Variants in KCNC2 observed in about 807,000 individuals in gnomAD.
KCNC2 encodes potassium voltage-gated channel subfamily C member 2.
In KCNC2, 21 loss-of-function variants were observed where a neutral mutation model predicts 44.5. The observed-to-expected ratio is 0.47, with a 90% CI of 0.33 to 0.68. KCNC2 has a LOEUF of 0.68. KCNC2 is among the 30% of genes least tolerant of loss of function. The pLI, the probability that KCNC2 is intolerant of heterozygous loss-of-function variation, is 0.01. For synonymous variants in KCNC2, 391 were observed against 339.1 expected, an observed-to-expected ratio of 1.15 and a Z score of -1.68; for missense variants, 589 against 826.2, an observed-to-expected ratio of 0.71 and a Z score of 3.52.
At chr12:75,125,245 T>C (rs1456008640) in intron 2 of KCNC2, among the ~76,000 whole-genome samples, 8 of 152,198 alleles carry the variant, frequency 5.3e-5, no homozygotes, top group African/African-American at 1.9e-4. Context: ...AGGCTACCAT[T>C]CTCCTGTACC....
chr12:75,121,505 G>C (rs1888043777), intron 2 of KCNC2, among the ~76,000 whole-genome samples: 1 of 152,162 alleles, frequency 6.6e-6, no homozygotes, highest in Non-Finnish European at 1.5e-5. Context: ...ATATAGGGGT[G>C]GGAGGCAGAA....
At chr12:75,120,629 G>A (rs1887984121) in intron 2 of KCNC2, among the ~76,000 whole-genome samples, 1 of 152,096 alleles carries the variant, frequency 6.6e-6, no homozygotes, top group Non-Finnish European at 1.5e-5. Flanking sequence ...TGCTAAAATT[G>A]ATGGAAGACT....
chr12:75,097,191 G>A (rs1223383911), intron 2 of KCNC2, among the ~76,000 whole-genome samples: 2 of 152,096 alleles, frequency 1.3e-5, no homozygotes, highest in African/African-American at 2.4e-5. Flanking sequence ...ATGAAGTCAT[G>A]GAACAGGCAA....
chr12:75,144,137 G>A (rs1031825410), intron 2 of KCNC2, among the ~76,000 whole-genome samples: 10 of 152,180 alleles, frequency 6.6e-5, no homozygotes, highest in South Asian at 2.1e-4. Context: ...AGATAGATTC[G>A]TCATTTGTAT....
intron 2 of KCNC2, among the ~76,000 whole-genome samples, chr12:75,096,597 G>A (rs964388124): frequency 6.6e-6 from 1 of 152,014 alleles, no homozygotes; most frequent in Non-Finnish European, 1.5e-5. Flanking sequence ...GAAAGACTGA[G>A]TGACAGTAAG....
chr12:75,194,698 C>T (rs1256882574), intron 2 of KCNC2, among the ~76,000 whole-genome samples: 1 of 152,072 alleles, frequency 6.6e-6, no homozygotes, highest in Non-Finnish European at 1.5e-5. Context: ...CCAGGAAGGG[C>T]AAAAACTGTG....
intron 2 of KCNC2, among the ~76,000 whole-genome samples, chr12:75,125,479 C>G (rs1888351297): frequency 6.6e-6 from 1 of 152,146 alleles, no homozygotes; most frequent in Non-Finnish European, 1.5e-5. Flanking sequence ...GTTTTTTCAG[C>G]AGAAGATCCA....
Position 75,129,480 on chromosome 12 carries a change from C to T in KCNC2, c.687+77817G>A, listed in dbSNP as rs565570626. Among the ~76,000 whole-genome samples the T allele has an allele frequency of 4.6e-5, 7 of 152,222 alleles. No homozygotes were observed. In the East Asian group the frequency reaches 5.8e-4, roughly 13 times the overall value. On this transcript the variant is annotated intron_variant, in intron 2 of 4. Coordinates refer to ENST00000549446, the MANE Select transcript of KCNC2 (RefSeq NM_139137.4). ...GTGCTTAAATCTTATCTTGTTCGTTCTAACTTCCTTAAAGGTAGGGCTGTG... is the reference window on the plus strand; with the variant it reads ...GTGCTTAAATCTTATCTTGTTCGTTTTAACTTCCTTAAAGGTAGGGCTGTG...
rs941831107 is a variant in KCNC2, at chr12:75,162,752, G to A, written c.687+44545C>T. ...AAAAACCTCTATTTTTCCCTTTCTT[G>A]TGGTTGTATTCTTTGAGAGAGGTAA... On this transcript the variant is annotated intron_variant, in intron 2 of 4. Coordinates refer to ENST00000549446, the MANE Select transcript of KCNC2 (RefSeq NM_139137.4). 2.0e-5 allele frequency among the ~76,000 whole-genome samples: 3 copies of A among 151,670 alleles called. No individual in the cohort carries two copies. The South Asian group carries it at 6.2e-4, about 31-fold the overall frequency.
intron 2 of KCNC2, among the ~76,000 whole-genome samples, chr12:75,075,953 C>A (rs559940724): frequency 5.9e-5 from 9 of 152,062 alleles, no homozygotes; most frequent in African/African-American, 2.2e-4. Flanking sequence ...GGTAAAGTCT[C>A]CTAATGATCA....
At chr12:75,116,736 T>A (rs1473042803) in intron 2 of KCNC2, among the ~76,000 whole-genome samples, 1 of 152,148 alleles carries the variant, frequency 6.6e-6, no homozygotes, top group Admixed American at 6.5e-5. Context: ...ACATTCTCTG[T>A]CCTGGCAGTC....
At position 75,086,681 on chromosome 12, in the gene KCNC2, A is replaced by AAATATATATATATAT. The variant is rs1206456289; in HGVS notation, c.688-35365_688-35364insATATATATATATATT. ...TTGGCAAAAAAAAAAAAAAAAAAAA[A>AAATATATATATATAT]ATATATATATATATATATACACACA... On this transcript the variant is annotated intron_variant, in intron 2 of 4. Transcript: ENST00000549446. 9.9e-3 allele frequency among the ~76,000 whole-genome samples: 534 copies of AAATATATATATATAT among 53,860 alleles called. 1 individual carries two copies. The highest frequency in any genetic ancestry group is 0.013 in the Non-Finnish European group (382 of 28,334). The allele number at this position is 53,860 out of a possible 152,430, so 35.3% of individuals were successfully genotyped here. A position where few individuals can be genotyped will look rare whatever the true frequency, so the allele number is the denominator to read the frequency against.
intron 2 of KCNC2, among the ~76,000 whole-genome samples, chr12:75,150,099 C>G (rs769673464): frequency 6.6e-6 from 1 of 151,858 alleles, no homozygotes; most frequent in Non-Finnish European, 1.5e-5. Flanking sequence ...CTATCCAGAG[C>G]CTGCTATAAC....
intron 2 of KCNC2, among the ~76,000 whole-genome samples, chr12:75,153,900 T>C (rs572190688): frequency 2.0e-5 from 3 of 151,586 alleles, no homozygotes; most frequent in East Asian, 1.9e-4. Flanking sequence ...AGACAAGAGG[T>C]TGGTCTTGTC....
At chr12:75,100,223 G>A (rs1001320118) in intron 2 of KCNC2, among the ~76,000 whole-genome samples, 1 of 152,010 alleles carries the variant, frequency 6.6e-6, no homozygotes, top group African/African-American at 2.4e-5. Flanking sequence ...TTCTTATTGT[G>A]TATTTTGTCC....
intron 2 of KCNC2, among the ~76,000 whole-genome samples, chr12:75,168,128 T>A (rs558550663): frequency 6.6e-6 from 1 of 151,472 alleles, no homozygotes; most frequent in South Asian, 2.1e-4. Context: ...CGCAACTTTT[T>A]AAAAAATGAA....
intron 2 of KCNC2, among the ~76,000 whole-genome samples, chr12:75,072,723 A>G (rs1033712968): frequency 6.6e-6 from 1 of 152,174 alleles, no homozygotes; most frequent in Non-Finnish European, 1.5e-5. Context: ...GTGCCTGGGA[A>G]TGACAGTCTT....
At chr12:75,047,619 TGCGGATCACGA>T (rs1449608440) in intron 4 of KCNC2, among the ~76,000 whole-genome samples, 1 of 152,112 alleles carries the variant, frequency 6.6e-6, no homozygotes. Flanking sequence ...TCCATATGAC[TGCGGATCACGA>T]GCCTTTGCAA....
rs148768368 is a variant in KCNC2 at position 75,101,998 on chromosome 12, G to A, written c.688-50681C>T. ...TAATAATAGTATGTCTCGGCGGACT[G>A]CCTAACACAAGAAAGTCAACGGCCC... On this transcript the variant is annotated intron_variant, in intron 2 of 4. Coordinates refer to ENST00000549446, the MANE Select transcript of KCNC2 (RefSeq NM_139137.4). Among the ~76,000 whole-genome samples, 361 of 152,142 alleles carry A rather than the reference G, an allele frequency of 2.4e-3. 1 individual carries two copies. Among genetic ancestry groups the A allele is most frequent in the African/African-American group, 8.1e-3 (337 of 41,540 alleles).
Sources: gnomAD v4.1 joint callset for allele counts (sites outside exome capture counted in the v4.1 genomes callset) on GRCh38, gnomAD v4.1.1 for gene constraint, MANE v1.5 for transcripts, NCBI Gene and HGNC (gene_info 2026-07-23, HGNC 2026-07-21) for gene names.